SOX5: variants seen among roughly 807,000 people sequenced by gnomAD.
SOX5 encodes SRY-box transcription factor 5.
A neutral mutation model predicts 92.0 loss-of-function variants in SOX5; 9 were observed. The ratio of observed to expected loss-of-function variants is 0.10; its 90% CI spans 0.06 to 0.17. The LOEUF is 0.17. Ranked by LOEUF, SOX5 falls within the 10% of genes least tolerant of loss-of-function variation. The probability of loss-of-function intolerance (pLI) is 1.00; values close to 1 mark genes in which losing one functional copy is unlikely to be tolerated. For missense variants in SOX5, 642 were observed against 944.5 expected, an observed-to-expected ratio of 0.68 and a Z score of 4.20; for synonymous variants, 344 against 336.3, an observed-to-expected ratio of 1.02 and a Z score of -0.25.
At chr12:23,713,493 G>A (rs75888420) in intron 6 of SOX5, among the ~76,000 whole-genome samples, 1 of 152,058 alleles carries the variant, frequency 6.6e-6, no homozygotes, top group South Asian at 2.1e-4. Context: ...TGCAGTTCTG[G>A]ATGATACAGA....
chr12:23,880,503 A>G (rs932623887), intron 2 of SOX5, among the ~76,000 whole-genome samples: 3 of 152,220 alleles, frequency 2.0e-5, no homozygotes, highest in Non-Finnish European at 4.4e-5. Flanking sequence ...AGAAAACACA[A>G]GAAGGGAATA....
intron 3 of SOX5, among the ~76,000 whole-genome samples, chr12:24,234,700 T>C (rs1003285801): frequency 3.3e-5 from 5 of 152,312 alleles, no homozygotes; most frequent in Non-Finnish European, 7.4e-5. Flanking sequence ...CACCTTTTGA[T>C]GGCTTATAGT....
intron 4 of SOX5, among the ~76,000 whole-genome samples, chr12:24,011,388 C>A (rs74565649): frequency 6.6e-6 from 1 of 152,198 alleles, no homozygotes; most frequent in Middle Eastern, 3.4e-3. Flanking sequence ...TTGGGAAATA[C>A]GTTTTATTTT....
At chr12:23,600,876 T>TA (rs200600109) in intron 9 of SOX5, among the ~76,000 whole-genome samples, 38 of 152,216 alleles carry the variant, frequency 2.5e-4, no homozygotes, top group African/African-American at 8.9e-4. Flanking sequence ...AGCACTCGTA[T>TA]AACACCACAG....
intron 6 of SOX5, among the ~76,000 whole-genome samples, chr12:23,682,686 T>C (rs1019933130): frequency 1.3e-5 from 2 of 151,962 alleles, no homozygotes; most frequent in Admixed American, 6.6e-5. Flanking sequence ...ACATAAATCT[T>C]AAGCTCTTTG....
At chr12:23,714,087 C>T (rs1593560780) in intron 6 of SOX5, among the ~76,000 whole-genome samples, 4 of 147,256 alleles carry the variant, frequency 2.7e-5, no homozygotes, top group Admixed American at 2.0e-4. Context: ...CAAGACTCCG[C>T]CTCAAAAAAA....
intron 4 of SOX5, among the ~76,000 whole-genome samples, chr12:24,114,959 T>A (rs12297239): frequency 2.0e-5 from 3 of 150,814 alleles, no homozygotes; most frequent in African/African-American, 7.3e-5. Flanking sequence ...TAAAATAATA[T>A]TCTATGAAAA....
chr12:23,903,401 T>C (rs1259072392), intron 1 of SOX5, among the ~76,000 whole-genome samples: 1 of 152,048 alleles, frequency 6.6e-6, no homozygotes, highest in Admixed American at 6.6e-5. Context: ...CCTGCAAAAC[T>C]GGGAGACTCC....
At chr12:24,191,037 C>G (rs1453927265) in intron 4 of SOX5, among the ~76,000 whole-genome samples, 1 of 152,110 alleles carries the variant, frequency 6.6e-6, no homozygotes, top group African/African-American at 2.4e-5. Flanking sequence ...GCTATATCAC[C>G]ATGGCTGCAG....
chr12:23,840,620 G>T (rs77047705), intron 3 of SOX5, among the ~76,000 whole-genome samples: 7 of 152,084 alleles, frequency 4.6e-5, no homozygotes, highest in African/African-American at 1.7e-4. Flanking sequence ...GATGATACTG[G>T]CAAGACGATA....
chr12:24,175,187 G>T (rs185439286), intron 4 of SOX5, among the ~76,000 whole-genome samples: 1 of 152,242 alleles, frequency 6.6e-6, no homozygotes, highest in East Asian at 1.9e-4. Flanking sequence ...TGTCTTTTTG[G>T]CATCCATGTT....
At chr12:24,264,657 A>G (rs1396724881) in intron 3 of SOX5, among the ~76,000 whole-genome samples, 7 of 152,312 alleles carry the variant, frequency 4.6e-5, no homozygotes, top group African/African-American at 1.7e-4. Context: ...TTGGTTACAA[A>G]AGTGTGGGGA....
At chr12:24,247,317 T>C (rs577095744) in intron 3 of SOX5, among the ~76,000 whole-genome samples, 4 of 151,964 alleles carry the variant, frequency 2.6e-5, no homozygotes, top group Non-Finnish European at 5.9e-5. Context: ...CAGTAGGAGG[T>C]TGGATAATAA....
intron 4 of SOX5, among the ~76,000 whole-genome samples, chr12:24,137,040 T>C (rs1950168071): frequency 6.6e-6 from 1 of 152,244 alleles, no homozygotes; most frequent in Non-Finnish European, 1.5e-5. Flanking sequence ...TGTCTTGGTC[T>C]TAGAGAATAG....
intron 4 of SOX5, among the ~76,000 whole-genome samples, chr12:24,193,553 C>T (rs1395961932): frequency 6.6e-6 from 1 of 152,206 alleles, no homozygotes; most frequent in Non-Finnish European, 1.5e-5. Flanking sequence ...TCTCATTCCT[C>T]ATCTCTATAA....
chr12:23,698,127 A>G (rs927616442), intron 6 of SOX5, among the ~76,000 whole-genome samples: 1 of 152,178 alleles, frequency 6.6e-6, no homozygotes, highest in African/African-American at 2.4e-5. Context: ...GTAGAGTCTA[A>G]GAAGAACCTT....
chr12:24,324,658 T>C (rs1374304046), intron 2 of SOX5, among the ~76,000 whole-genome samples: 1 of 152,166 alleles, frequency 6.6e-6, no homozygotes, highest in Non-Finnish European at 1.5e-5. Flanking sequence ...AAACTATCTA[T>C]GCTCATAGTC....
chr12:24,389,595 T>C (rs1198406101), intron 1 of SOX5, among the ~76,000 whole-genome samples: 1 of 152,228 alleles, frequency 6.6e-6, no homozygotes, highest in Non-Finnish European at 1.5e-5. Context: ...TTCCATTGCA[T>C]AGATATACCA....
chr12:24,536,866 T>C (rs1256004772), intron 1 of SOX5, among the ~76,000 whole-genome samples: 1 of 152,154 alleles, frequency 6.6e-6, no homozygotes, highest in African/African-American at 2.4e-5. Flanking sequence ...CCACCTATAT[T>C]AGGGAAAAAA....
Sources: gnomAD v4.1 joint callset for allele counts (sites outside exome capture counted in the v4.1 genomes callset) on GRCh38, gnomAD v4.1.1 for gene constraint, MANE v1.5 for transcripts, NCBI Gene and HGNC (gene_info 2026-07-23, HGNC 2026-07-21) for gene names.